Variants in PGLS observed in about 807,000 individuals in gnomAD.
PGLS encodes epididymis secretory protein Li 304.
PGLS carries 21 observed loss-of-function variants against 23.2 expected under a neutral mutation model. The ratio of observed to expected loss-of-function variants is 0.91; its 90% CI spans 0.64 to 1.31. PGLS has a LOEUF of 1.31. Among genes scored for constraint, PGLS ranks in the 50% most tolerant of loss-of-function variants. The pLI is 0.00. For synonymous variants in PGLS, 179 were observed against 165.4 expected (o/e 1.08, Z -0.63); for missense variants, 410 against 354.0 (o/e 1.16, Z -1.27).
At position 17,516,333 on chromosome 19, in the gene PGLS, C is replaced by T. The variant is rs1481015200; in HGVS notation, c.396+53C>T. 7.0e-6 allele frequency: 11 copies of T among 1,576,400 alleles called. No individual in the cohort carries two copies. The Admixed American group carries it at 9.0e-5, about 13-fold the overall frequency. On this transcript the variant is annotated intron_variant, in intron 2 of 4. Coordinates refer to ENST00000252603, the MANE Select transcript of PGLS (RefSeq NM_012088.3). ...AGTCACATCCACGAAGCGGCCACAC[C>T]CCGGGCAACAGAGCGGCCTTCTGAT... is the stretch of plus-strand genomic sequence containing the variant.
chr19:17,518,207 CAAT>C (rs2075542504), intron 4 of PGLS: 1 of 165,248 alleles, frequency 6.1e-6, no homozygotes, highest in Non-Finnish European at 1.3e-5. Context: ...AGAAAAAGGA[CAAT>C]AATATAAATC....
At position 17,517,933 on chromosome 19, in the gene PGLS, C is replaced by A. The variant is rs150479283; in HGVS notation, c.639+83C>A. 916 of 1,396,054 alleles carry A rather than the reference C, an allele frequency of 6.6e-4. 7 individuals are homozygous for A. In the African/African-American group the frequency reaches 0.012, roughly 18 times the overall value. 86.5% of individuals were successfully genotyped at this position (1,396,054 alleles called of 1,614,324 possible). A position where few individuals can be genotyped will look rare whatever the true frequency, so the allele number is the denominator to read the frequency against. On this transcript the variant is annotated intron_variant, in intron 4 of 4. Coordinates refer to ENST00000252603, the MANE Select transcript of PGLS (RefSeq NM_012088.3). The stretch of plus-strand genomic sequence containing the variant: ...GAAAATGGCCCCAGACATTATTGTG[C>A]TGAAGCATCAGATCTGAAGAAAACT...
chr19:17,516,061 G>A (rs1028506280), intron 1 of PGLS, 112 bp from the exon 2 acceptor site: 2 of 768,074 alleles, frequency 2.6e-6, no homozygotes, highest in Non-Finnish European at 4.4e-6. Context: ...GCCTCCCCAT[G>A]CCTCAGTCTC....
rs771678045 is a variant in PGLS at position 17,511,684 on chromosome 19, G to A, written c.12G>A (p.Pro4=). 709 of 1,491,508 alleles carry A rather than the reference G, an allele frequency of 4.8e-4. 1 individual carries two copies. The highest frequency in any genetic ancestry group is 4.3e-4 in the Non-Finnish European group (482 of 1,128,864). The allele number at this position is 1,491,508 out of a possible 1,614,324, so 92.4% of individuals were successfully genotyped here. ...CCGCCGCCCTCGCCATGGCCGCGCC[G>A]GCCCCGGGCCTCATCTCGGTGTTCT... is the stretch of plus-strand genomic sequence containing the variant. MAA[P]APGLISVFSS... Residue 4 remains proline (P), a synonymous_variant, in exon 1 of 5, where the codon CCG becomes CCA. Coordinates refer to ENST00000252603, the MANE Select transcript of PGLS (RefSeq NM_012088.3).
rs113329764 is a variant in PGLS at position 17,517,713 on chromosome 19, C to T, written c.502C>T (p.Arg168Trp). The T allele has an allele frequency of 1.2e-4, 195 of 1,613,750 alleles. No individual in the cohort carries two copies. The highest frequency in any genetic ancestry group is 1.6e-4 in the Non-Finnish European group (183 of 1,179,916). The change falls in exon 4 of 5, where the codon CGG becomes TGG. Residue 168 changes from arginine to tryptophan, a missense_variant. By Grantham distance (101) the Arg-to-Trp change is moderately radical. Coordinates refer to ENST00000252603, the MANE Select transcript of PGLS (RefSeq NM_012088.3). Reference protein sequence around the residue: ...LFPDHPLLQEREKIVAPISDS... With the variant: ...LFPDHPLLQEWEKIVAPISDS... Reference sequence around the variant, plus strand: ...ATCCCTGGGCTTCCTCCCCAAGGAGCGGGAGAAGATTGTGGCTCCCATCAG... The same window carrying T: ...ATCCCTGGGCTTCCTCCCCAAGGAGTGGGAGAAGATTGTGGCTCCCATCAG...
intron 1 of PGLS, chr19:17,512,202 G>T: frequency 1.9e-6 from 1 of 521,290 alleles, no homozygotes; most frequent in Non-Finnish European, 3.4e-6. Context: ...CGGCTACGGG[G>T]GCCACTGGGG....
In PGLS at chr19:17,521,273, A is replaced by T. The variant is rs982320062; in HGVS notation, c.*192A>T. 5 of 581,586 alleles carry T rather than the reference A, an allele frequency of 8.6e-6. No individual in the cohort carries two copies. In the African/African-American group the frequency reaches 9.6e-5, roughly 11 times the overall value. The allele number at this position is 581,586 out of a possible 1,614,324, so 36.0% of individuals were successfully genotyped here. On this transcript the variant is annotated 3_prime_UTR_variant, in exon 5 of 5. Transcript: ENST00000252603. ...TGGCTCTGGACATCCGGATATTAAAAGGAGCGTTGCTGGAAGTCTGCACTG... is the reference window on the plus strand; with the variant it reads ...TGGCTCTGGACATCCGGATATTAAATGGAGCGTTGCTGGAAGTCTGCACTG...
At position 17,521,096 on chromosome 19, in the gene PGLS, G is replaced by T; in HGVS notation, c.*15G>T. 1 of 1,580,606 alleles carries T rather than the reference G, an allele frequency of 6.3e-7. No individual in the cohort carries two copies. Among genetic ancestry groups the T allele is most frequent in the Non-Finnish European group, 8.6e-7 (1 of 1,161,698 alleles). ...CCACTTTGTAGCTGGCCAGAGGGAC[G>T]CCGCAGCTGGGACCAGGCACGCGGC... On this transcript the variant is annotated 3_prime_UTR_variant, in exon 5 of 5. Coordinates refer to ENST00000252603, the MANE Select transcript of PGLS (RefSeq NM_012088.3).
chr19:17,517,113 G>T (rs558486267), intron 2 of PGLS, among the ~76,000 whole-genome samples, 175 bp from the exon 3 acceptor site: 5 of 152,188 alleles, frequency 3.3e-5, no homozygotes, highest in Non-Finnish European at 5.9e-5. Flanking sequence ...TTGAACTCCT[G>T]ACCTCGTGAT....
rs1447300969 is a variant in PGLS, at chr19:17,516,385, A to G, written c.396+105A>G. 6 of 1,488,878 alleles carry G rather than the reference A, an allele frequency of 4.0e-6. No homozygotes were observed. In the African/African-American group the frequency reaches 5.6e-5, roughly 14 times the overall value. 92.2% of individuals were successfully genotyped at this position (1,488,878 alleles called of 1,614,324 possible). On this transcript the variant is annotated intron_variant, in intron 2 of 4. Transcript: ENST00000252603. ...GTCACCAGCAGGAACTGCCCCAGGG[A>G]TCACTGGCAGATCCCTTTGAGGAAT... is the stretch of plus-strand genomic sequence containing the variant.
At chr19:17,516,792 T>C (rs1300047430) in intron 2 of PGLS, among the ~76,000 whole-genome samples, 3 of 151,302 alleles carry the variant, frequency 2.0e-5, no homozygotes, top group Admixed American at 6.6e-5. Flanking sequence ...TTTCACCATG[T>C]TAGCCAGGAT....
At chr19:17,514,995 C>T (rs1599688837) in intron 1 of PGLS, among the ~76,000 whole-genome samples, 1 of 152,118 alleles carries the variant, frequency 6.6e-6, no homozygotes, top group East Asian at 1.9e-4. Flanking sequence ...CACTATGCTG[C>T]CCAGGCTGGT....
In PGLS at chr19:17,511,819, C is replaced by T. The variant is rs1487562910; in HGVS notation, c.147C>T (p.Ser49=). The change falls in exon 1 of 5, where the codon AGC becomes AGT. Residue 49 remains serine, a synonymous_variant. Transcript: ENST00000252603. ...TCGCGCTCGGCCTGTCGGGCGGGAG[C>T]CTCGTCTCGATGCTAGCCCGCGAGC... ...ARFALGLSGG[S]LVSMLARELP... is the part of the protein sequence containing the mutation. 2.0e-6 allele frequency: 3 copies of T among 1,515,822 alleles called. No homozygotes were observed. Among genetic ancestry groups the T allele is most frequent in the East Asian group, 5.3e-5 (2 of 37,874 alleles). The allele number at this position is 1,515,822 out of a possible 1,614,324, so 93.9% of individuals were successfully genotyped here.
chr19:17,519,096 C>T (rs1401900006), intron 4 of PGLS, among the ~76,000 whole-genome samples: 18 of 151,496 alleles, frequency 1.2e-4, no homozygotes. Context: ...GGCGGATCAC[C>T]TGAGGTCAGG....
At chr19:17,520,882 G>C (rs994571352) in intron 4 of PGLS, 62 bp from the exon 5 acceptor site, 19 of 1,469,110 alleles carry the variant, frequency 1.3e-5, no homozygotes, top group Non-Finnish European at 1.7e-5. Context: ...GGAGCCAGGA[G>C]AGTGCCGAGG....
In PGLS at chr19:17,516,446, C is replaced by T. The variant is rs1428580769; in HGVS notation, c.396+166C>T. On this transcript the variant is annotated intron_variant, in intron 2 of 4. Transcript: ENST00000252603. ...AGGCCACAGCCCTGCCCTGGGGAGC[C>T]TGAAGGCCACTCGGCCTCTGTTGCC... 2.1e-6 allele frequency: 3 copies of T among 1,408,488 alleles called. No homozygotes were observed. The African/African-American group carries it at 4.3e-5, about 20-fold the overall frequency. The allele number at this position is 1,408,488 out of a possible 1,614,324, so 87.2% of individuals were successfully genotyped here.
rs1002384170 is a variant in PGLS, at chr19:17,520,975, T to C, written c.671T>C (p.Leu224Pro). ...RILEDQEENP[L>P]PAALVQPHTG... ...TTGGAGGACCAGGAGGAAAACCCGC[T>C]GCCCGCCGCCCTGGTCCAGCCCCAC... The change falls in exon 5 of 5, where the codon CTG (leucine) becomes CCG (proline). Residue 224 changes from leucine to proline, a missense_variant. Transcript: ENST00000252603. The C allele has an allele frequency of 4.4e-6, 7 of 1,598,244 alleles. No individual in the cohort carries two copies. Among genetic ancestry groups the C allele is most frequent in the East Asian group, 2.3e-5 (1 of 44,226 alleles).
At chr19:17,518,531 T>G (rs1026497110) in intron 4 of PGLS, 3 of 152,110 alleles carry the variant, frequency 2.0e-5, no homozygotes, top group Admixed American at 1.3e-4. Flanking sequence ...TTTTTTTGTT[T>G]TTTGTGTTAT....
Position 17,517,813 on chromosome 19 carries a change from T to C in PGLS, c.602T>C (p.Phe201Ser). 1 of 1,614,094 alleles carries C rather than the reference T, an allele frequency of 6.2e-7. No individual in the cohort carries two copies. Among genetic ancestry groups the C allele is most frequent in the Non-Finnish European group, 8.5e-7 (1 of 1,180,018 alleles). ...PVLNAARTVI[F>S]VATGEGKAAV... ...CTGAATGCAGCACGAACTGTCATCT[T>C]TGTGGCAACTGGAGAAGGCAAGGCA... The change falls in exon 4 of 5, where the codon TTT becomes TCT. Residue 201 changes from phenylalanine (F) to serine (S), a missense_variant. By Grantham distance (155) the Phe-to-Ser change is radical. Coordinates refer to ENST00000252603, the MANE Select transcript of PGLS (RefSeq NM_012088.3).
Sources: gnomAD v4.1 joint callset for allele counts (sites outside exome capture counted in the v4.1 genomes callset) on GRCh38, gnomAD v4.1.1 for gene constraint, MANE v1.5 for transcripts, NCBI Gene and HGNC (gene_info 2026-07-23, HGNC 2026-07-21) for gene names.